DNAH14: variants seen among roughly 807,000 people sequenced by gnomAD.
The protein encoded by DNAH14 is dynein axonemal heavy chain 14.
Under a neutral mutation model 520.9 loss-of-function variants are expected in DNAH14, and 478 were observed. That is an observed-to-expected ratio of 0.92 (90% CI 0.85 to 0.99). DNAH14 has a LOEUF of 0.99. Ranked by LOEUF, DNAH14 falls within the 50% of genes least tolerant of loss-of-function variation. DNAH14 has a pLI of 0.00. For synonymous variants in DNAH14, 1,581 were observed against 1,757.2 expected (o/e 0.90, Z 2.51); for missense variants, 4,831 against 5,234.5 (o/e 0.92, Z 2.38).
At chr1:225,010,397 G>A (rs567219728) in intron 10 of DNAH14, among the ~76,000 whole-genome samples, 2 of 152,048 alleles carry the variant, frequency 1.3e-5, no homozygotes, top group South Asian at 4.2e-4. Context: ...TGGACTACGT[G>A]TATTGATTTG....
At chr1:225,026,163 A>G (rs1193327208) in intron 11 of DNAH14, among the ~76,000 whole-genome samples, 2 of 151,404 alleles carry the variant, frequency 1.3e-5, no homozygotes, top group Non-Finnish European at 3.0e-5. Context: ...GAGTTCTAAG[A>G]GTTCTTTATT....
chr1:225,324,659 G>C (rs561535681), intron 63 of DNAH14, 78 bp from the exon 64 acceptor site: 1 of 1,267,398 alleles, frequency 7.9e-7, no homozygotes, highest in South Asian at 1.4e-5. Flanking sequence ...CTCTGTAAAT[G>C]TCTTTCAAAT....
intron 60 of DNAH14, among the ~76,000 whole-genome samples, chr1:225,317,826 A>T (rs2094493638): frequency 6.6e-6 from 1 of 152,102 alleles, no homozygotes; most frequent in South Asian, 2.1e-4. Flanking sequence ...TAACCCACAT[A>T]CTTCTGGTGC....
rs116169889 is a variant in DNAH14, at chr1:225,006,630, T to C, written c.976-783T>C. 5.0e-3 allele frequency among the ~76,000 whole-genome samples: 766 copies of C among 152,350 alleles called. 6 individuals are homozygous for C. The highest frequency in any genetic ancestry group is 0.017 in the African/African-American group (723 of 41,592). Reference sequence around the variant, plus strand: ...TAGGAAATTCCAGCCTGGTGAATTCTAGTCAGATTGGTTGTCTGCTCTCAA... The same window carrying C: ...TAGGAAATTCCAGCCTGGTGAATTCCAGTCAGATTGGTTGTCTGCTCTCAA... On this transcript the variant is annotated intron_variant, in intron 9 of 85. Transcript: ENST00000682510.
intron 17 of DNAH14, among the ~76,000 whole-genome samples, chr1:225,067,421 G>C (rs2071021804): frequency 6.6e-6 from 1 of 151,968 alleles, no homozygotes; most frequent in African/African-American, 2.4e-5. Context: ...GTGCTGCAAT[G>C]GATATATGTA....
At chr1:225,257,599 A>G (rs550574389) in intron 44 of DNAH14, among the ~76,000 whole-genome samples, 62 of 149,874 alleles carry the variant, frequency 4.1e-4, no homozygotes, top group South Asian at 2.9e-3. Context: ...GCAGTGGCGC[A>G]ATCTCGGCTC....
At chr1:225,178,783 G>T (rs1266219089) in intron 36 of DNAH14, among the ~76,000 whole-genome samples, 2 of 152,074 alleles carry the variant, frequency 1.3e-5, no homozygotes, top group African/African-American at 2.4e-5. Context: ...GAGGGACCAG[G>T]GGTGGAATGA....
At chr1:225,281,047 T>C (rs928209849) in intron 54 of DNAH14, among the ~76,000 whole-genome samples, 2 of 152,156 alleles carry the variant, frequency 1.3e-5, no homozygotes, top group South Asian at 2.1e-4. Context: ...AGCAATTACA[T>C]AGGTAAATAT....
Position 225,082,887 on chromosome 1 carries a change from G to A in DNAH14, c.3327+148G>A. On this transcript the variant is annotated intron_variant, in intron 20 of 85. Transcript: ENST00000682510. ...ATAATAGTACATTTGTAGAATAATAGGTGATAGGAAATTATTTAATTGGAG... is the reference window on the plus strand; with the variant it reads ...ATAATAGTACATTTGTAGAATAATAAGTGATAGGAAATTATTTAATTGGAG... The A allele has an allele frequency of 6.2e-6, 4 of 640,746 alleles. No individual in the cohort carries two copies. In the South Asian group the frequency reaches 7.3e-5, roughly 12 times the overall value. 39.7% of individuals were successfully genotyped at this position (640,746 alleles called of 1,614,324 possible).
At position 225,038,727 on chromosome 1, in the gene DNAH14, GACA is replaced by G. The variant is rs2067189361; in HGVS notation, c.1397_1399del (p.Thr466del). Reference sequence around the variant, plus strand: ...AGGACAACTCTTTTCCTACTGGAAAGACAACAAATGATTGTGAAGAACTTGTTG... The same window carrying G: ...AGGACAACTCTTTTCCTACTGGAAAGACAAATGATTGTGAAGAACTTGTTG... On this transcript the variant is annotated inframe_deletion, in exon 12 of 86. Transcript: ENST00000682510. The G allele has an allele frequency of 2.0e-6, 3 of 1,532,094 alleles. No individual in the cohort carries two copies. The highest frequency in any genetic ancestry group is 2.6e-6 in the Non-Finnish European group (3 of 1,141,206). 94.9% of individuals were successfully genotyped at this position (1,532,094 alleles called of 1,614,324 possible).
At chr1:225,206,876 G>T in intron 40 of DNAH14, 92 bp from the exon 41 acceptor site, 1 of 1,088,622 alleles carries the variant, frequency 9.2e-7, no homozygotes, top group Non-Finnish European at 1.2e-6. Flanking sequence ...TTTATGAGAG[G>T]GCAGTGGTGA....
chr1:225,085,784 A>T lies in DNAH14; in HGVS notation c.3568A>T (p.Ile1190Phe), dbSNP rs2148618230. ...TIKGSPHIGP[I>F]KDLVNEWDQN... ...TAAAGGATCTCCCCACATTGGGCCC[A>T]TTAAGGTAAGTATTATGGCAAAGGA... Residue 1190 changes from isoleucine (I) to phenylalanine (F), a missense_variant, in exon 21 of 86, where the codon ATT (isoleucine) becomes TTT (phenylalanine). Physicochemically the swap from Ile to Phe is conservative, Grantham distance 21. Coordinates refer to ENST00000682510, the MANE Select transcript of DNAH14 (RefSeq NM_001367479.1). 1 of 1,541,316 alleles carries T rather than the reference A, an allele frequency of 6.5e-7. No individual in the cohort carries two copies. Among genetic ancestry groups the T allele is most frequent in the Non-Finnish European group, 8.7e-7 (1 of 1,143,888 alleles).
At chr1:225,390,195 G>A (rs1229715792) in intron 83 of DNAH14, among the ~76,000 whole-genome samples, 1 of 152,168 alleles carries the variant, frequency 6.6e-6, no homozygotes, top group Non-Finnish European at 1.5e-5. Flanking sequence ...CAAAGGCCGT[G>A]ACAAAGGGGT....
At chr1:225,060,583 A>G (rs1416749754) in intron 17 of DNAH14, among the ~76,000 whole-genome samples, 1 of 151,858 alleles carries the variant, frequency 6.6e-6, no homozygotes, top group Non-Finnish European at 1.5e-5. Context: ...GGAGGAGGCA[A>G]GGCACTCTGA....
intron 8 of DNAH14, among the ~76,000 whole-genome samples, chr1:224,984,217 A>G (rs956427325): frequency 6.6e-6 from 1 of 152,234 alleles, no homozygotes; most frequent in Non-Finnish European, 1.5e-5. Context: ...GAAACAGAAG[A>G]GAGAACCCAG....
intron 10 of DNAH14, among the ~76,000 whole-genome samples, chr1:225,018,796 C>G (rs2065421770): frequency 6.6e-6 from 1 of 152,096 alleles, no homozygotes. Flanking sequence ...CATATCCCAC[C>G]AAACTAAGCT....
At chr1:225,235,986 C>T (rs1469063035) in intron 42 of DNAH14, among the ~76,000 whole-genome samples, 2 of 152,082 alleles carry the variant, frequency 1.3e-5, no homozygotes, top group Non-Finnish European at 2.9e-5. Flanking sequence ...AAAAAATCAG[C>T]TGCTGCATTC....
At chr1:225,364,719 A>T in intron 75 of DNAH14, 73 bp from the exon 76 acceptor site, 1 of 1,110,578 alleles carries the variant, frequency 9.0e-7, no homozygotes, top group Non-Finnish European at 1.3e-6. Flanking sequence ...CAAACAGTGA[A>T]ATGCTATGAT....
At chr1:225,277,927 G>T (rs2093528914) in intron 54 of DNAH14, among the ~76,000 whole-genome samples, 1 of 152,002 alleles carries the variant, frequency 6.6e-6, no homozygotes, top group Non-Finnish European at 1.5e-5. Context: ...TGGAAAATTA[G>T]CTAAAATTCA....
Sources: allele counts gnomAD v4.1 joint callset (sites outside exome capture counted in the v4.1 genomes callset), GRCh38; gene constraint gnomAD v4.1.1; transcripts MANE v1.5; gene names NCBI Gene and HGNC (gene_info 2026-07-23, HGNC 2026-07-21).